ASIC2: variants seen among roughly 807,000 people sequenced by gnomAD.
The protein encoded by ASIC2 is acid sensing ion channel subunit 2, also known as acid-sensing ion channel 2.
ASIC2 carries 25 observed loss-of-function variants against 57.3 expected under a neutral mutation model. The observed-to-expected ratio is 0.44, with a 90% confidence interval of 0.32 to 0.61. The LOEUF (loss-of-function observed/expected upper bound fraction) is 0.61. Ranked by LOEUF, ASIC2 falls within the 20% of genes least tolerant of loss-of-function variation. The probability of loss-of-function intolerance (pLI) is 0.06; values close to 1 mark genes in which losing one functional copy is unlikely to be tolerated. For synonymous variants in ASIC2, 319 were observed against 307.5 expected (o/e 1.04, Z -0.39); for missense variants, 641 against 738.1 (o/e 0.87, Z 1.52).
chr17:33,902,453 G>A (rs1043016152), intron 1 of ASIC2, among the ~76,000 whole-genome samples: 6 of 152,280 alleles, frequency 3.9e-5, no homozygotes, highest in South Asian at 2.1e-4. Flanking sequence ...TTAATTTTGA[G>A]GTCACCTCTG....
intron 1 of ASIC2, among the ~76,000 whole-genome samples, chr17:33,310,246 A>G (rs1906353684): frequency 6.6e-6 from 1 of 151,892 alleles, no homozygotes; most frequent in Admixed American, 6.6e-5. Flanking sequence ...TTAGAATACC[A>G]TCTGGCCTGG....
At chr17:34,155,730 G>A in intron 1 of ASIC2, 1 of 501,506 alleles carries the variant, frequency 2.0e-6, no homozygotes, top group Non-Finnish European at 3.6e-6. Context: ...GTCTGGGGAA[G>A]TGATCCCCCA....
chr17:34,052,489 G>A (rs969752328), intron 1 of ASIC2, among the ~76,000 whole-genome samples: 2 of 152,198 alleles, frequency 1.3e-5, no homozygotes, highest in Non-Finnish European at 2.9e-5. Context: ...TGTAGAACAT[G>A]TGACTGGACT....
chr17:33,137,779 G>A (rs558491568), intron 1 of ASIC2, among the ~76,000 whole-genome samples: 56 of 152,330 alleles, frequency 3.7e-4, no homozygotes, highest in Non-Finnish European at 6.6e-4. Context: ...ATGGGACAGA[G>A]CACTGAAAGC....
intron 1 of ASIC2, among the ~76,000 whole-genome samples, chr17:33,710,806 T>C (rs567996868): frequency 6.6e-6 from 1 of 152,282 alleles, no homozygotes; most frequent in South Asian, 2.1e-4. Flanking sequence ...GCAGGAGTTA[T>C]CATGTTATAA....
chr17:33,609,918 G>A (rs958560418), intron 1 of ASIC2, among the ~76,000 whole-genome samples: 3 of 152,084 alleles, frequency 2.0e-5, no homozygotes, highest in Non-Finnish European at 4.4e-5. Flanking sequence ...AAGAACCAGA[G>A]TCTCTCTAGC....
At chr17:33,799,427 C>CTTTCTTTCTTCTTTCT (rs11439080) in intron 1 of ASIC2, among the ~76,000 whole-genome samples, 14 of 84,086 alleles carry the variant, frequency 1.7e-4, no homozygotes, top group African/African-American at 2.9e-4. Flanking sequence ...TTCTTTCTTT[C>CTTTCTTTCTTCTTTCT]TTCTTTCTTT....
At chr17:33,427,829 C>G (rs906098860) in intron 1 of ASIC2, among the ~76,000 whole-genome samples, 4 of 152,226 alleles carry the variant, frequency 2.6e-5, no homozygotes, top group Admixed American at 6.5e-5. Context: ...ATATGACTAT[C>G]CTATGTAACC....
chr17:33,850,596 T>C (rs1345943572), intron 1 of ASIC2, among the ~76,000 whole-genome samples: 1 of 152,146 alleles, frequency 6.6e-6, no homozygotes, highest in Admixed American at 6.5e-5. Context: ...TGAGTTTTGC[T>C]GGGGGAGGGG....
chr17:33,334,805 T>C (rs1275475251), intron 1 of ASIC2, among the ~76,000 whole-genome samples: 2 of 151,378 alleles, frequency 1.3e-5, no homozygotes, highest in African/African-American at 4.9e-5. Flanking sequence ...GTGATGGGGG[T>C]CGTCTTTTTG....
chr17:33,038,480 C>G (rs926904447), intron 3 of ASIC2, among the ~76,000 whole-genome samples: 3 of 152,082 alleles, frequency 2.0e-5, no homozygotes, highest in African/African-American at 7.2e-5. Flanking sequence ...ATGTGGGAGT[C>G]ATTAGTGTAT....
intron 1 of ASIC2, among the ~76,000 whole-genome samples, chr17:33,237,630 C>A (rs1196289119): frequency 6.6e-6 from 1 of 152,152 alleles, no homozygotes; most frequent in Non-Finnish European, 1.5e-5. Context: ...CCGCGCCCGG[C>A]CTTAGTAGAT....
rs558776686 is a variant in ASIC2 at position 33,813,597 on chromosome 17, C to T, written c.555+342381G>A. On this transcript the variant is annotated intron_variant, in intron 1 of 9. Coordinates refer to the ASIC2 transcript ENST00000359872. ...GACTACAGGCGCCCGCCACCAAGCC[C>T]GGCTAATTTTTTGTATTTTTAGTAG... is the stretch of plus-strand genomic sequence containing the variant. Among the ~76,000 whole-genome samples, 536 of 152,194 alleles carry T rather than the reference C, an allele frequency of 3.5e-3. 5 individuals carry two copies. The highest frequency in any genetic ancestry group is 0.012 in the African/African-American group (511 of 41,526).
At chr17:33,328,185 G>A (rs1907155409) in intron 1 of ASIC2, among the ~76,000 whole-genome samples, 2 of 152,142 alleles carry the variant, frequency 1.3e-5, no homozygotes, top group South Asian at 2.1e-4. Flanking sequence ...GGTGACTGAG[G>A]AGGAGAATAC....
chr17:33,283,138 C>T (rs957876124), intron 1 of ASIC2, among the ~76,000 whole-genome samples: 8 of 152,214 alleles, frequency 5.3e-5, no homozygotes, highest in African/African-American at 1.9e-4. Context: ...TGATATTGCA[C>T]ATTCTCTTGG....
chr17:33,055,765 C>T (rs1211010456), intron 3 of ASIC2, among the ~76,000 whole-genome samples: 1 of 152,140 alleles, frequency 6.6e-6, no homozygotes, highest in Non-Finnish European at 1.5e-5. Context: ...AGCCTTTCTG[C>T]CCTTGGCCTC....
intron 1 of ASIC2, among the ~76,000 whole-genome samples, chr17:33,452,952 A>G (rs1228702933): frequency 6.6e-6 from 1 of 150,772 alleles, no homozygotes; most frequent in African/African-American, 2.5e-5. Context: ...AGCACAAGAA[A>G]GGTAAAGACT....
At chr17:33,833,938 C>T (rs1166713805) in intron 1 of ASIC2, 2 of 152,294 alleles carry the variant, frequency 1.3e-5, no homozygotes, top group Non-Finnish European at 2.9e-5. Context: ...TGGCACACAC[C>T]TGTAATTCCA....
chr17:33,966,034 A>G (rs571574631), intron 1 of ASIC2, among the ~76,000 whole-genome samples: 2 of 152,232 alleles, frequency 1.3e-5, no homozygotes, highest in Non-Finnish European at 2.9e-5. Context: ...CTCTGCATAG[A>G]GAAGAAGAAC....
Sources: gnomAD v4.1 joint callset for allele counts (sites outside exome capture counted in the v4.1 genomes callset) on GRCh38, gnomAD v4.1.1 for gene constraint, MANE v1.5 for transcripts, NCBI Gene and HGNC (gene_info 2026-07-23, HGNC 2026-07-21) for gene names.